REV3L: variants seen among roughly 807,000 people sequenced by gnomAD.
The protein encoded by REV3L is DNA polymerase zeta catalytic subunit.
REV3L carries 69 observed loss-of-function variants against 299.4 expected under a neutral mutation model. The observed-to-expected ratio is 0.23, with a 90% CI of 0.19 to 0.28. REV3L has a LOEUF of 0.28. Ranked by LOEUF, REV3L falls within the 10% of genes least tolerant of loss-of-function variation. The pLI is 1.00. For synonymous variants in REV3L, 1,238 were observed against 1,271.4 expected, an observed-to-expected ratio of 0.97 and a Z score of 0.56; for missense variants, 3,128 against 3,693.8, an observed-to-expected ratio of 0.85 and a Z score of 3.97.
At chr6:111,338,311 C>CTTTTTTTTTT (rs1776115188) in intron 21 of REV3L, among the ~76,000 whole-genome samples, 4 of 49,034 alleles carry the variant, frequency 8.2e-5, no homozygotes, top group Admixed American at 4.6e-4. Context: ...AGTCTAAAGT[C>CTTTTTTTTTT]CTTTTTTTTT....
chr6:111,318,154 C>A (rs1773737367), intron 26 of REV3L, among the ~76,000 whole-genome samples: 1 of 151,520 alleles, frequency 6.6e-6, no homozygotes, highest in South Asian at 2.1e-4. Context: ...GTGGCGCGAT[C>A]TCGGCTCACT....
chr6:111,437,962 C>T (rs1024432464), intron 1 of REV3L, among the ~76,000 whole-genome samples: 1 of 152,098 alleles, frequency 6.6e-6, no homozygotes, highest in African/African-American at 2.4e-5. Context: ...TAGTGATCTT[C>T]CTGCTTCAGC....
At chr6:111,304,769 C>A (rs113040475) in intron 31 of REV3L, among the ~76,000 whole-genome samples, 4 of 152,114 alleles carry the variant, frequency 2.6e-5, no homozygotes, top group East Asian at 3.9e-4. Context: ...TCCTCACCCC[C>A]CTTTTGGAAT....
At chr6:111,324,659 G>A (rs1774540235) in intron 25 of REV3L, among the ~76,000 whole-genome samples, 1 of 152,158 alleles carries the variant, frequency 6.6e-6, no homozygotes, top group Admixed American at 6.6e-5. Context: ...TACCCCTGAA[G>A]ACCACATAAT....
chr6:111,465,855 G>A (rs890713300), intron 1 of REV3L, among the ~76,000 whole-genome samples: 6 of 149,958 alleles, frequency 4.0e-5, no homozygotes, highest in African/African-American at 1.5e-4. Flanking sequence ...ACAATATATC[G>A]CAGAAATAGT....
intron 25 of REV3L, among the ~76,000 whole-genome samples, chr6:111,326,377 T>C (rs954816397): frequency 6.6e-6 from 1 of 151,974 alleles, no homozygotes; most frequent in African/African-American, 2.4e-5. Context: ...CATTACTAAT[T>C]AGAGAAATGC....
chr6:111,405,426 CTTTAA>C (rs749589446), intron 4 of REV3L, 39 bp downstream of exon 4: 40 of 1,482,570 alleles, frequency 2.7e-5, no homozygotes, highest in Non-Finnish European at 3.5e-5. Flanking sequence ...TGTTTCAAAA[CTTTAA>C]TTTGACAAAA....
intron 14 of REV3L, 143 bp downstream of exon 14, chr6:111,366,972 A>G: frequency 1.7e-6 from 1 of 591,416 alleles, no homozygotes; most frequent in South Asian, 3.7e-5. Flanking sequence ...TTGCCATGTG[A>G]CGACTTTCTA....
At chr6:111,309,036 G>A (rs1042770476) in intron 30 of REV3L, among the ~76,000 whole-genome samples, 30 of 152,330 alleles carry the variant, frequency 2.0e-4, no homozygotes, top group African/African-American at 7.2e-4. Context: ...GCACACAGAC[G>A]GGCAGGTTGT....
intron 19 of REV3L, among the ~76,000 whole-genome samples, 167 bp downstream of exon 19, chr6:111,351,504 TTTTTA>T (rs1207239115): frequency 2.0e-5 from 3 of 152,126 alleles, no homozygotes; most frequent in South Asian, 2.1e-4. Flanking sequence ...ACTAGAATAT[TTTTTA>T]TTTTATTTTT....
In REV3L at chr6:111,373,610, T is replaced by C; in HGVS notation, c.4745A>G (p.Lys1582Arg). 6.2e-7 allele frequency: 1 copy of C among 1,614,126 alleles called. No homozygotes were observed. Among genetic ancestry groups the C allele is most frequent in the Non-Finnish European group, 8.5e-7 (1 of 1,180,018 alleles). Residue 1582 changes from lysine (K) to arginine (R), a missense_variant, in exon 13 of 32, where the codon AAA (lysine) becomes AGA (arginine). This residue lies in a region of REV3L where 2,409 missense variants were observed against 2,611.8 expected (regional missense o/e 0.92). Transcript: ENST00000368802. The part of the protein sequence containing the change: ...KRTRSVTSPR[K>R]PRTPRSTKQK... ...TTTTGTACTTCTGGGAGTTCGAGGT[T>C]TTCTTGGGGACGTTACCGATCGTGT...
Position 111,304,942 on chromosome 6 carries a change from C to CTT in REV3L, c.9252+2417_9252+2418dup, listed in dbSNP as rs748453480. Among the ~76,000 whole-genome samples the CTT allele has an allele frequency of 5.1e-4, 69 of 136,378 alleles. 2 individuals are homozygous for CTT. Among genetic ancestry groups the CTT allele is most frequent in the Admixed American group, 2.3e-3 (31 of 13,624 alleles). 89.5% of individuals were successfully genotyped at this position (136,378 alleles called of 152,430 possible). Reference sequence around the variant, plus strand: ...AAAGGACATGATTTTGTTCTTTGTTCTTTTTTTTTTTTTTTTGAGACAGAG... The same window carrying CTT: ...AAAGGACATGATTTTGTTCTTTGTTCTTTTTTTTTTTTTTTTTTGAGACAGAG... On this transcript the variant is annotated intron_variant, in intron 31 of 31. Coordinates refer to ENST00000368802, the MANE Select transcript of REV3L (RefSeq NM_001372078.1).
intron 1 of REV3L, among the ~76,000 whole-genome samples, chr6:111,478,936 T>A (rs545050357): frequency 6.6e-6 from 1 of 152,240 alleles, no homozygotes. Context: ...TCCCACACTC[T>A]TCTATTTACT....
chr6:111,436,045 A>G (rs948862689), intron 1 of REV3L, among the ~76,000 whole-genome samples: 3 of 152,222 alleles, frequency 2.0e-5, no homozygotes, highest in Non-Finnish European at 2.9e-5. Context: ...GGCCAGACAC[A>G]TGAAAAGATG....
In REV3L at chr6:111,352,410, T is replaced by C. The variant is rs149385361; in HGVS notation, c.7185-619A>G. Reference sequence around the variant, plus strand: ...AAGGCAGGCCATTACCACTGAAGTATATGAGTGAAGGTACAAGTGAGAATA... The same window carrying C: ...AAGGCAGGCCATTACCACTGAAGTACATGAGTGAAGGTACAAGTGAGAATA... On this transcript the variant is annotated intron_variant, in intron 18 of 31. Coordinates refer to ENST00000368802, the MANE Select transcript of REV3L (RefSeq NM_001372078.1). 2.0e-3 allele frequency among the ~76,000 whole-genome samples: 299 copies of C among 152,214 alleles called. 1 individual carries two copies. The highest frequency in any genetic ancestry group is 7.1e-3 in the African/African-American group (293 of 41,522).
At chr6:111,408,918 C>T (rs1345406347) in intron 3 of REV3L, among the ~76,000 whole-genome samples, 1 of 152,096 alleles carries the variant, frequency 6.6e-6, no homozygotes, top group Non-Finnish European at 1.5e-5. Flanking sequence ...CTCCTGACCT[C>T]ACGTGATCTA....
chr6:111,422,633 CAT>C (rs61502240), intron 1 of REV3L, among the ~76,000 whole-genome samples: 4,768 of 17,042 alleles, frequency 0.28, 1,106 homozygotes, highest in Non-Finnish European at 0.32. Context: ...TATATATACA[CAT>C]ATATATATAT....
At chr6:111,472,316 A>G (rs1257920812) in intron 1 of REV3L, among the ~76,000 whole-genome samples, 3 of 152,132 alleles carry the variant, frequency 2.0e-5, no homozygotes, top group East Asian at 1.9e-4. Flanking sequence ...GTATAAATAT[A>G]TATGCAAAAT....
At chr6:111,354,487 T>C (rs938955672) in intron 18 of REV3L, among the ~76,000 whole-genome samples, 3 of 152,178 alleles carry the variant, frequency 2.0e-5, no homozygotes, top group Non-Finnish European at 2.9e-5. Context: ...TTAGAAGAAT[T>C]GTAAAGTTGT....
Sources: allele counts gnomAD v4.1 joint callset (sites outside exome capture counted in the v4.1 genomes callset), GRCh38; gene constraint gnomAD v4.1.1; regional missense constraint gnomAD v4.1.1; transcripts MANE v1.5; gene names NCBI Gene and HGNC (gene_info 2026-07-23, HGNC 2026-07-21).